The following CCDC7 variants were observed in gnomAD, a reference collection of about 807,000 sequenced individuals.
CCDC7 encodes the protein coiled-coil domain-containing protein 7.
Under a neutral mutation model 196.9 loss-of-function variants are expected in CCDC7, and 183 were observed. The ratio of observed to expected loss-of-function variants is 0.93; its 90% confidence interval spans 0.82 to 1.05. CCDC7 has a LOEUF of 1.05. Ranked by LOEUF, CCDC7 falls within the 50% of genes least tolerant of loss-of-function variation. The pLI, the probability that CCDC7 is intolerant of heterozygous loss-of-function variation, is 0.00. For synonymous variants in CCDC7, 525 were observed against 484.6 expected, an observed-to-expected ratio of 1.08 and a Z score of -1.10; for missense variants, 1,540 against 1,482.2, an observed-to-expected ratio of 1.04 and a Z score of -0.64.
At chr10:32,704,358 G>T (rs550746675) in intron 24 of CCDC7, among the ~76,000 whole-genome samples, 2 of 152,084 alleles carry the variant, frequency 1.3e-5, no homozygotes, top group East Asian at 3.8e-4. Context: ...CTGCCTGATC[G>T]TTCCTCTGGA....
chr10:32,537,792 C>A (rs193164945), intron 11 of CCDC7, among the ~76,000 whole-genome samples: 1 of 152,166 alleles, frequency 6.6e-6, no homozygotes, highest in East Asian at 1.9e-4. Flanking sequence ...TATTGAAGAT[C>A]AGATAGTTTT....
exon 41 of CCDC7, chr10:32,854,445 C>T: frequency 6.2e-7 from 1 of 1,608,200 alleles, no homozygotes. Flanking sequence ...ATTGAATTTA[C>T]TCTGCCTACT....
intron 20 of CCDC7, among the ~76,000 whole-genome samples, chr10:32,663,579 A>T (rs2071983683): frequency 6.6e-6 from 1 of 152,046 alleles, no homozygotes; most frequent in South Asian, 2.1e-4. Flanking sequence ...CAATCTTTTT[A>T]TTACTTTTAG....
At chr10:32,484,731 C>T (rs1266755301) in intron 8 of CCDC7, among the ~76,000 whole-genome samples, 1 of 152,074 alleles carries the variant, frequency 6.6e-6, no homozygotes, top group Non-Finnish European at 1.5e-5. Context: ...TTGTCAAAGG[C>T]CTTTTCTGCA....
Position 32,580,690 on chromosome 10 carries a change from G to A in CCDC7, c.1455-2344G>A, listed in dbSNP as rs1345130277. 2.6e-5 allele frequency among the ~76,000 whole-genome samples: 4 copies of A among 151,850 alleles called. No individual in the cohort carries two copies. The East Asian group carries it at 5.8e-4, about 22-fold the overall frequency. On this transcript the variant is annotated intron_variant, in intron 16 of 41. Coordinates refer to ENST00000639629, the Ensembl canonical transcript of CCDC7. ...AATAATATTTTATTAGTATTTTATTGATAATTTGTCTCGTATTTGCATTGA... is the reference window on the plus strand; with the variant it reads ...AATAATATTTTATTAGTATTTTATTAATAATTTGTCTCGTATTTGCATTGA...
chr10:32,542,841 A>G (rs1189560519), intron 11 of CCDC7, among the ~76,000 whole-genome samples: 2 of 152,028 alleles, frequency 1.3e-5, no homozygotes, highest in Non-Finnish European at 2.9e-5. Flanking sequence ...ATAAAAGTCT[A>G]TATTTCTCAT....
chr10:32,451,006 T>A (rs114153110), upstream of CCDC7, among the ~76,000 whole-genome samples: 319 of 152,288 alleles, frequency 2.1e-3, 1 homozygote, highest in African/African-American at 7.2e-3. Flanking sequence ...CAGAGTTGAT[T>A]TTGGGATTTG....
chr10:32,637,911 A>G (rs1016297108), intron 20 of CCDC7, among the ~76,000 whole-genome samples: 1 of 152,148 alleles, frequency 6.6e-6, no homozygotes, highest in Non-Finnish European at 1.5e-5. Context: ...TTCATCGAGC[A>G]GTGGTTTGTA....
chr10:32,828,919 G>T (rs1435405068), intron 32 of CCDC7, among the ~76,000 whole-genome samples: 1 of 152,104 alleles, frequency 6.6e-6, no homozygotes, highest in Non-Finnish European at 1.5e-5. Context: ...AGTTCCAGAG[G>T]GAGGAACGCT....
intron 32 of CCDC7, among the ~76,000 whole-genome samples, chr10:32,825,865 A>C (rs1020916752): frequency 3.9e-5 from 6 of 152,196 alleles, no homozygotes; most frequent in African/African-American, 1.2e-4. Flanking sequence ...ATTGATTGAA[A>C]AAGAATGGGA....
At chr10:32,630,463 A>G (rs2064705556) in intron 18 of CCDC7, among the ~76,000 whole-genome samples, 1 of 152,016 alleles carries the variant, frequency 6.6e-6, no homozygotes. Context: ...AGGTTAGTGC[A>G]GGGAGTGGGG....
At chr10:32,641,160 G>A (rs1004729565) in intron 20 of CCDC7, among the ~76,000 whole-genome samples, 5 of 152,070 alleles carry the variant, frequency 3.3e-5, no homozygotes, top group African/African-American at 1.2e-4. Context: ...GCACATCTTT[G>A]TGGCGTTCTC....
At chr10:32,641,024 T>C (rs1314510198) in intron 20 of CCDC7, among the ~76,000 whole-genome samples, 4 of 152,202 alleles carry the variant, frequency 2.6e-5, no homozygotes, top group Non-Finnish European at 4.4e-5. Context: ...AGAGATCCGC[T>C]GTTACTCTGA....
At chr10:32,846,432 A>G in exon 37 of CCDC7, 1 of 1,599,808 alleles carries the variant, frequency 6.3e-7, no homozygotes, top group Non-Finnish European at 8.6e-7. Context: ...AAAGGGACCA[A>G]TCAGTGCACA....
chr10:32,696,105 C>T (rs1158265572), intron 24 of CCDC7, among the ~76,000 whole-genome samples: 1 of 151,996 alleles, frequency 6.6e-6, no homozygotes, highest in Non-Finnish European at 1.5e-5. Flanking sequence ...AAAAAATGGT[C>T]CTAATTGCAA....
At chr10:32,815,671 A>C (rs2135437317) in intron 31 of CCDC7, among the ~76,000 whole-genome samples, 1 of 152,352 alleles carries the variant, frequency 6.6e-6, no homozygotes, top group Admixed American at 6.5e-5. Context: ...AGTAGAATAA[A>C]TACAAATCAA....
At chr10:32,737,655 T>G (rs1028999702) in intron 28 of CCDC7, among the ~76,000 whole-genome samples, 8 of 152,194 alleles carry the variant, frequency 5.3e-5, no homozygotes, top group African/African-American at 1.9e-4. Context: ...ATTTGTCTGT[T>G]TTCTTTGCAG....
At chr10:32,719,177 A>G (rs2082044328) in intron 25 of CCDC7, among the ~76,000 whole-genome samples, 1 of 152,216 alleles carries the variant, frequency 6.6e-6, no homozygotes, top group African/African-American at 2.4e-5. Context: ...CAAAACAGAT[A>G]TATAGACCAA....
At chr10:32,612,498 GT>G (rs1205317290) in intron 18 of CCDC7, among the ~76,000 whole-genome samples, 1 of 152,078 alleles carries the variant, frequency 6.6e-6, no homozygotes, top group African/African-American at 2.4e-5. Flanking sequence ...TCTCGTGCTG[GT>G]TTTCAAAGGG....
Sources: gnomAD v4.1 joint callset for allele counts (sites outside exome capture counted in the v4.1 genomes callset) on GRCh38, gnomAD v4.1.1 for gene constraint, MANE v1.5 for transcripts, NCBI Gene and HGNC (gene_info 2026-07-23, HGNC 2026-07-21) for gene names.